THSD7B: variants seen among roughly 807,000 people sequenced by gnomAD.
THSD7B encodes the protein thrombospondin type 1 domain containing 7B.
Under a neutral mutation model 213.6 loss-of-function variants are expected in THSD7B, and 138 were observed. That is an observed-to-expected ratio of 0.65 (90% confidence interval 0.56 to 0.74). THSD7B has a LOEUF of 0.74. THSD7B is among the 30% of genes least tolerant of loss of function. THSD7B has a pLI of 0.00. For synonymous variants in THSD7B, 742 were observed against 687.0 expected, an observed-to-expected ratio of 1.08 and a Z score of -1.25; for missense variants, 1,931 against 1,991.5, an observed-to-expected ratio of 0.97 and a Z score of 0.58.
At chr2:137,031,031 T>C (rs533931077) in intron 2 of THSD7B, among the ~76,000 whole-genome samples, 1 of 152,268 alleles carries the variant, frequency 6.6e-6, no homozygotes, top group African/African-American at 2.4e-5. Context: ...ACCACCTTCA[T>C]AACATGAAAA....
chr2:136,928,839 T>G (rs957777069), intron 2 of THSD7B, among the ~76,000 whole-genome samples: 1 of 152,092 alleles, frequency 6.6e-6, no homozygotes, highest in Non-Finnish European at 1.5e-5. Flanking sequence ...AAACATAATA[T>G]ATGCAAAAAG....
At chr2:137,528,793 G>C (rs148992134) in intron 15 of THSD7B, among the ~76,000 whole-genome samples, 1 of 152,030 alleles carries the variant, frequency 6.6e-6, no homozygotes, top group Non-Finnish European at 1.5e-5. Flanking sequence ...TATTTACTGC[G>C]TTAGCCTCAG....
At chr2:137,282,401 TA>T in intron 12 of THSD7B, among the ~76,000 whole-genome samples, 1 of 152,354 alleles carries the variant, frequency 6.6e-6, no homozygotes. Context: ...AGAAACTCAT[TA>T]ATTTAATTAG....
At chr2:137,119,730 C>T (rs774206170) in intron 5 of THSD7B, among the ~76,000 whole-genome samples, 8 of 151,986 alleles carry the variant, frequency 5.3e-5, no homozygotes, top group Admixed American at 3.3e-4. Flanking sequence ...GATTTTTAAA[C>T]AGAAAGGAAA....
intron 14 of THSD7B, among the ~76,000 whole-genome samples, chr2:137,443,077 A>G (rs963878987): frequency 1.2e-4 from 19 of 152,180 alleles, no homozygotes; most frequent in Non-Finnish European, 1.3e-4. Context: ...CTAACTGAAC[A>G]GTTCAGATTG....
At chr2:137,200,461 T>C (rs967146303) in intron 7 of THSD7B, among the ~76,000 whole-genome samples, 3 of 152,104 alleles carry the variant, frequency 2.0e-5, no homozygotes, top group African/African-American at 7.2e-5. Context: ...TTACATTGTT[T>C]ATTTTTAAAG....
At chr2:137,028,460 A>G (rs1356345528) in intron 2 of THSD7B, among the ~76,000 whole-genome samples, 1 of 152,218 alleles carries the variant, frequency 6.6e-6, no homozygotes, top group Admixed American at 6.5e-5. Context: ...TTGCTCCAGA[A>G]TGTAGATATT....
intron 13 of THSD7B, among the ~76,000 whole-genome samples, chr2:137,408,966 G>A (rs1434127051): frequency 2.6e-5 from 4 of 152,206 alleles, no homozygotes; most frequent in Non-Finnish European, 5.9e-5. Flanking sequence ...AGCAAAATGA[G>A]TAATTTCTAG....
Position 137,448,785 on chromosome 2 carries a change from C to G in THSD7B, c.2960-2060C>G, listed in dbSNP as rs557842032. 5.3e-5 allele frequency among the ~76,000 whole-genome samples: 8 copies of G among 149,660 alleles called. No homozygotes were observed. In the South Asian group the frequency reaches 8.4e-4, roughly 16 times the overall value. On this transcript the variant is annotated intron_variant, in intron 14 of 27. Transcript: ENST00000409968. ...CTGCACTCCAGCCTGGGCGACAGAG[C>G]GAGACTCCATCTCAAAACAACAACA...
intron 12 of THSD7B, among the ~76,000 whole-genome samples, chr2:137,294,737 A>T (rs1268528219): frequency 6.6e-6 from 1 of 152,044 alleles, no homozygotes; most frequent in African/African-American, 2.4e-5. Context: ...ATGTATGTAT[A>T]GGAAAAAACA....
At chr2:137,533,874 A>AT (rs1421355111) in intron 15 of THSD7B, among the ~76,000 whole-genome samples, 2 of 151,892 alleles carry the variant, frequency 1.3e-5, no homozygotes, top group African/African-American at 4.8e-5. Flanking sequence ...TAAAAGCACA[A>AT]TAAAAACTTT....
intron 1 of THSD7B, among the ~76,000 whole-genome samples, chr2:136,870,914 C>A (rs1434379197): frequency 6.6e-6 from 1 of 152,080 alleles, no homozygotes; most frequent in Non-Finnish European, 1.5e-5. Flanking sequence ...AGAAGGAAAG[C>A]AAGGGTGGAA....
At chr2:137,400,812 C>T (rs1409920853) in intron 12 of THSD7B, among the ~76,000 whole-genome samples, 5 of 152,098 alleles carry the variant, frequency 3.3e-5, no homozygotes, top group African/African-American at 1.2e-4. Context: ...GTGGATTGGG[C>T]CATGGAACCC....
At chr2:136,942,281 G>T (rs980346297) in intron 2 of THSD7B, among the ~76,000 whole-genome samples, 11 of 152,182 alleles carry the variant, frequency 7.2e-5, no homozygotes, top group Admixed American at 6.5e-4. Context: ...CAGGTAGCAT[G>T]ATGCCTCCAG....
At chr2:137,252,743 G>A (rs982319674) in intron 10 of THSD7B, among the ~76,000 whole-genome samples, 1 of 152,130 alleles carries the variant, frequency 6.6e-6, no homozygotes, top group African/African-American at 2.4e-5. Flanking sequence ...TCCCTCCGGA[G>A]AGGGCTTGTG....
At chr2:137,563,675 G>A (rs972346118) in intron 16 of THSD7B, among the ~76,000 whole-genome samples, 8 of 152,120 alleles carry the variant, frequency 5.3e-5, no homozygotes, top group African/African-American at 1.9e-4. Flanking sequence ...GATTCTGACT[G>A]TGTTGCCATT....
intron 4 of THSD7B, among the ~76,000 whole-genome samples, chr2:137,113,974 A>G (rs1192567298): frequency 5.9e-5 from 9 of 152,190 alleles, no homozygotes; most frequent in Non-Finnish European, 1.3e-4. Context: ...CTTAGCTTTC[A>G]GGCTTTTTAG....
intron 15 of THSD7B, among the ~76,000 whole-genome samples, chr2:137,556,210 C>T (rs964434518): frequency 1.3e-5 from 2 of 152,204 alleles, no homozygotes; most frequent in African/African-American, 2.4e-5. Context: ...AGATACTCTT[C>T]GAGAAGAGCA....
intron 2 of THSD7B, among the ~76,000 whole-genome samples, chr2:136,909,860 T>G (rs1319672261): frequency 6.6e-6 from 1 of 152,206 alleles, no homozygotes; most frequent in Non-Finnish European, 1.5e-5. Flanking sequence ...CTATTGTTAC[T>G]GTTTGGTTTT....
Sources: allele counts gnomAD v4.1 joint callset (sites outside exome capture counted in the v4.1 genomes callset), GRCh38; gene constraint gnomAD v4.1.1; transcripts MANE v1.5; gene names NCBI Gene and HGNC (gene_info 2026-07-23, HGNC 2026-07-21).